Variants in FILIP1 observed in about 807,000 individuals in gnomAD.
FILIP1 encodes the protein filamin A interacting protein 1.
Under a neutral mutation model 102.1 loss-of-function variants are expected in FILIP1, and 61 were observed. That is an observed-to-expected ratio of 0.60 (90% CI 0.49 to 0.74). The LOEUF (loss-of-function observed/expected upper bound fraction) is 0.74, where lower values mean the gene tolerates loss of function less well. Ranked by LOEUF, FILIP1 falls within the 30% of genes least tolerant of loss-of-function variation. The probability of loss-of-function intolerance (pLI) is 0.00; values close to 1 mark genes in which losing one functional copy is unlikely to be tolerated. For synonymous variants in FILIP1, 491 were observed against 526.9 expected, an observed-to-expected ratio of 0.93 and a Z score of 0.93; for missense variants, 1,314 against 1,441.2, an observed-to-expected ratio of 0.91 and a Z score of 1.43.
At chr6:75,344,017 A>G (rs1254595412) in intron 4 of FILIP1, among the ~76,000 whole-genome samples, 1 of 152,202 alleles carries the variant, frequency 6.6e-6, no homozygotes, top group Non-Finnish European at 1.5e-5. Flanking sequence ...ATTGTTTAAC[A>G]TACACCTGCA....
At chr6:75,405,913 A>G (rs866429252) in intron 2 of FILIP1, among the ~76,000 whole-genome samples, 1 of 152,220 alleles carries the variant, frequency 6.6e-6, no homozygotes, top group Non-Finnish European at 1.5e-5. Flanking sequence ...TAAAAGTAGA[A>G]GGCAAAGAAT....
intron 1 of FILIP1, among the ~76,000 whole-genome samples, chr6:75,487,588 T>C (rs1344340895): frequency 1.3e-5 from 2 of 152,022 alleles, no homozygotes; most frequent in East Asian, 1.9e-4. Flanking sequence ...AATTTTTGCA[T>C]AGATCTTTTA....
intron 2 of FILIP1, among the ~76,000 whole-genome samples, chr6:75,407,816 A>C (rs2149679687): frequency 6.6e-6 from 1 of 152,350 alleles, no homozygotes; most frequent in East Asian, 1.9e-4. Flanking sequence ...CCAAGTAAAA[A>C]TATCAAGGGA....
intron 6 of FILIP1, among the ~76,000 whole-genome samples, chr6:75,301,581 C>G (rs531228575): frequency 6.6e-6 from 1 of 152,018 alleles, no homozygotes; most frequent in Admixed American, 6.6e-5. Context: ...GTAGAGAGGC[C>G]AAAAGTACTT....
intron 1 of FILIP1, among the ~76,000 whole-genome samples, chr6:75,467,290 A>T (rs1779196701): frequency 6.6e-6 from 1 of 152,222 alleles, no homozygotes; most frequent in African/African-American, 2.4e-5. Context: ...AATTTGATGC[A>T]TTTTGACCTA....
chr6:75,430,883 A>C (rs896563580), intron 1 of FILIP1, among the ~76,000 whole-genome samples: 8 of 152,248 alleles, frequency 5.3e-5, no homozygotes, highest in African/African-American at 1.9e-4. Flanking sequence ...AGCTCTTTGC[A>C]GGCCAAGGCA....
At chr6:75,482,935 G>A (rs1779684242) in intron 1 of FILIP1, among the ~76,000 whole-genome samples, 2 of 152,154 alleles carry the variant, frequency 1.3e-5, no homozygotes, top group Admixed American at 1.3e-4. Flanking sequence ...AGTCATAACG[G>A]AATTTATTTA....
intron 4 of FILIP1, among the ~76,000 whole-genome samples, chr6:75,340,753 TG>T (rs1285710147): frequency 6.6e-6 from 1 of 152,048 alleles, no homozygotes; most frequent in East Asian, 1.9e-4. Flanking sequence ...TGCAATGCAG[TG>T]GCATGATCTA....
intron 4 of FILIP1, chr6:75,334,554 A>T (rs987545818): frequency 1.3e-5 from 2 of 152,238 alleles, no homozygotes; most frequent in Non-Finnish European, 2.9e-5. Context: ...AAATGAGTTT[A>T]CTGCCAAGTA....
chr6:75,298,861 C>T (rs1172214461), intron 6 of FILIP1, among the ~76,000 whole-genome samples: 2 of 151,894 alleles, frequency 1.3e-5, no homozygotes, highest in South Asian at 2.1e-4. Flanking sequence ...GAAGTTGCAG[C>T]GTGCCGAGAT....
At chr6:75,404,072 A>G (rs752408082) in intron 2 of FILIP1, among the ~76,000 whole-genome samples, 4 of 152,048 alleles carry the variant, frequency 2.6e-5, no homozygotes, top group Non-Finnish European at 4.4e-5. Flanking sequence ...ACCGCACCCA[A>G]GACCCTGTAA....
intron 4 of FILIP1, among the ~76,000 whole-genome samples, chr6:75,343,296 A>G (rs546844000): frequency 3.3e-4 from 50 of 152,324 alleles, no homozygotes; most frequent in African/African-American, 1.2e-3. Context: ...TGTTTAAGCA[A>G]AAGAGTCTAT....
chr6:75,343,422 C>T (rs2149590722), intron 4 of FILIP1, among the ~76,000 whole-genome samples: 1 of 152,284 alleles, frequency 6.6e-6, no homozygotes, highest in South Asian at 2.1e-4. Context: ...TACTCTCCAT[C>T]TTTGTCCCCC....
chr6:75,314,035 T>A lies in FILIP1; in HGVS notation c.1797A>T (p.Arg599Ser). 1 of 1,526,542 alleles carries A rather than the reference T, an allele frequency of 6.6e-7. No individual in the cohort carries two copies. The highest frequency in any genetic ancestry group is 8.7e-7 in the Non-Finnish European group (1 of 1,145,304). 94.6% of individuals were successfully genotyped at this position (1,526,542 alleles called of 1,614,324 possible). ...LSCSVDLLKK[R>S]LDGIEEVERE... Reference sequence around the variant, plus strand: ...TTTCCACTTCCTCTATACCATCAAGTCTCTTCTTTAGTAAGTCAACACTGC... The same window carrying A: ...TTTCCACTTCCTCTATACCATCAAGACTCTTCTTTAGTAAGTCAACACTGC... Residue 599 changes from arginine to serine, a missense_variant, in exon 5 of 6, where the codon AGA (arginine) becomes AGT (serine). By Grantham distance (110) the Arg-to-Ser change is moderately radical (BLOSUM62 -1). Coordinates refer to ENST00000237172, the MANE Select transcript of FILIP1 (RefSeq NM_015687.5).
intron 2 of FILIP1, among the ~76,000 whole-genome samples, chr6:75,403,514 CAA>C (rs766214016): frequency 3.1e-4 from 9 of 28,810 alleles, no homozygotes; most frequent in Admixed American, 9.5e-4. Context: ...CTCTGTCCCA[CAA>C]AAAAAAAAAA....
At chr6:75,395,267 A>C (rs1490073846) in intron 2 of FILIP1, among the ~76,000 whole-genome samples, 1 of 152,158 alleles carries the variant, frequency 6.6e-6, no homozygotes, top group Non-Finnish European at 1.5e-5. Flanking sequence ...AAACTAAAAT[A>C]GTTTTAACAT....
intron 1 of FILIP1, among the ~76,000 whole-genome samples, chr6:75,444,899 G>A (rs1298233767): frequency 6.6e-6 from 1 of 152,166 alleles, no homozygotes; most frequent in Non-Finnish European, 1.5e-5. Flanking sequence ...TCCCCATGGA[G>A]TTTGTTTTAT....
At chr6:75,299,947 T>G (rs1387662790) in intron 6 of FILIP1, among the ~76,000 whole-genome samples, 2 of 152,142 alleles carry the variant, frequency 1.3e-5, no homozygotes, top group Non-Finnish European at 2.9e-5. Flanking sequence ...GGGAGAATGT[T>G]TCCTGAGTGC....
chr6:75,406,819 C>G (rs906053477), intron 2 of FILIP1, among the ~76,000 whole-genome samples: 5 of 151,988 alleles, frequency 3.3e-5, no homozygotes, highest in African/African-American at 1.2e-4. Flanking sequence ...ACCACCACAT[C>G]CAGCTAATTT....
Sources: gnomAD v4.1 joint callset for allele counts (sites outside exome capture counted in the v4.1 genomes callset) on GRCh38, gnomAD v4.1.1 for gene constraint, MANE v1.5 for transcripts, NCBI Gene and HGNC (gene_info 2026-07-23, HGNC 2026-07-21) for gene names.